Variants in ADRA1D observed in about 807,000 individuals in gnomAD.
The protein encoded by ADRA1D is alpha-1D adrenergic receptor.
ADRA1D carries 22 observed loss-of-function variants against 18.6 expected under a neutral mutation model. The ratio of observed to expected loss-of-function variants is 1.19; its 90% CI spans 0.85 to 1.69. The LOEUF (loss-of-function observed/expected upper bound fraction) is 1.69, where lower values mean the gene tolerates loss of function less well. ADRA1D is among the 40% of genes most tolerant of loss of function. The probability of loss-of-function intolerance (pLI) is 0.00; values close to 1 mark genes in which losing one functional copy is unlikely to be tolerated. For missense variants in ADRA1D, 840 were observed against 840.7 expected (o/e 1.00, Z 0.01); for synonymous variants, 376 against 388.2 (o/e 0.97, Z 0.37).
intron 1 of ADRA1D, among the ~76,000 whole-genome samples, chr20:4,244,680 C>T (rs528904860): frequency 1.4e-4 from 21 of 152,352 alleles, no homozygotes; most frequent in African/African-American, 5.1e-4. Context: ...GCCTGGGCCT[C>T]ATGCTGGGGG....
rs1340841827 is a variant in ADRA1D, at chr20:4,248,062, G to A, written c.896C>T (p.Ala299Val). Reference sequence around the variant, plus strand: ...GTGGATGCGCAGCACCACCTCGGAGGCCTTGCCTCGCTCGCGCTTGACGCC... The same window carrying A: ...GTGGATGCGCAGCACCACCTCGGAGACCTTGCCTCGCTCGCGCTTGACGCC... ...EAGVKRERGKASEVVLRIHCR... is the reference protein window; with the variant it reads ...EAGVKRERGKVSEVVLRIHCR... The change falls in exon 1 of 2, where the codon GCC becomes GTC. Residue 299 changes from alanine (A) to valine (V), a missense_variant. Coordinates refer to ENST00000379453, the MANE Select transcript of ADRA1D (RefSeq NM_000678.4). The A allele has an allele frequency of 1.9e-5, 29 of 1,550,414 alleles. No homozygotes were observed. Among genetic ancestry groups the A allele is most frequent in the Non-Finnish European group, 2.5e-5 (29 of 1,147,310 alleles).
chr20:4,223,864 T>C (rs1227302739), intron 1 of ADRA1D, among the ~76,000 whole-genome samples: 1 of 151,876 alleles, frequency 6.6e-6, no homozygotes, highest in Non-Finnish European at 1.5e-5. Flanking sequence ...TTATATGTAT[T>C]AAATGCATTT....
rs1283603435 is a variant in ADRA1D, at chr20:4,248,676, C to T, written c.282G>A (p.Ala94=). ...TAAVGGLVVS[A]QGVGVGVFLA... is the part of the protein sequence containing the mutation. ...GGAAGACGCCCACGCCCACGCCCTG[C>T]GCGCTCACCACCAGTCCCCCGACGG... Residue 94 remains alanine (A), a synonymous_variant, in exon 1 of 2, where the codon GCG becomes GCA. Coordinates refer to ENST00000379453, the MANE Select transcript of ADRA1D (RefSeq NM_000678.4). The T allele has an allele frequency of 6.3e-7, 1 of 1,596,448 alleles. No homozygotes were observed. Among genetic ancestry groups the T allele is most frequent in the Non-Finnish European group, 8.5e-7 (1 of 1,172,570 alleles).
At chr20:4,246,512 T>C (rs1600853321) in intron 1 of ADRA1D, among the ~76,000 whole-genome samples, 1 of 151,386 alleles carries the variant, frequency 6.6e-6, no homozygotes, top group South Asian at 2.1e-4. Flanking sequence ...CCAGAAAGGG[T>C]CAGAGGGGAG....
intron 1 of ADRA1D, among the ~76,000 whole-genome samples, chr20:4,232,502 A>T (rs1980994395): frequency 6.6e-6 from 1 of 152,306 alleles, no homozygotes; most frequent in South Asian, 2.1e-4. Context: ...CTCCACGTCC[A>T]TCCATCCAGA....
In ADRA1D at chr20:4,221,357, G is replaced by T. The variant is rs537596202; in HGVS notation, c.*166C>A. ...CCCCACTACTTTTCACCTTTCAAGG[G>T]CTCCAGCCTCAAGCTCTGCCCAGTT... is the stretch of plus-strand genomic sequence containing the variant. On this transcript the variant is annotated 3_prime_UTR_variant, in exon 2 of 2. Transcript: ENST00000379453. The T allele has an allele frequency of 6.9e-5, 51 of 734,934 alleles. No individual in the cohort carries two copies. Among genetic ancestry groups the T allele is most frequent in the Admixed American group, 4.3e-4 (13 of 29,896 alleles). 45.5% of individuals were successfully genotyped at this position (734,934 alleles called of 1,614,324 possible).
chr20:4,248,846 A>AG lies in ADRA1D; in HGVS notation c.111dup (p.Ser38LeufsTer77). On this transcript the variant is annotated frameshift_variant, in exon 1 of 2. Coordinates refer to ENST00000379453, the MANE Select transcript of ADRA1D (RefSeq NM_000678.4). LOFTEE classifies it high-confidence loss of function. The stretch of plus-strand genomic sequence containing the variant: ...ACGCCGCCCACCGCCGGGCCCTCCG[A>AG]GGGGGCCGCGCCGCCCGCGCTGCCC... 1 of 1,005,406 alleles carries AG rather than the reference A, an allele frequency of 9.9e-7. No individual in the cohort carries two copies. Among genetic ancestry groups the AG allele is most frequent in the Non-Finnish European group, 1.2e-6 (1 of 842,148 alleles). 62.3% of individuals were successfully genotyped at this position (1,005,406 alleles called of 1,614,324 possible). A position where few individuals can be genotyped will look rare whatever the true frequency, so the allele number is the denominator to read the frequency against.
intron 1 of ADRA1D, among the ~76,000 whole-genome samples, chr20:4,232,644 C>G (rs1980997325): frequency 6.6e-6 from 1 of 152,230 alleles, no homozygotes; most frequent in Admixed American, 6.5e-5. Context: ...TCACAAAGTC[C>G]CTTTCAGGCT....
chr20:4,248,502 G>C lies in ADRA1D; in HGVS notation c.456C>G (p.Phe152Leu). The C allele has an allele frequency of 6.2e-7, 1 of 1,613,774 alleles. No individual in the cohort carries two copies. Among genetic ancestry groups the C allele is most frequent in the Non-Finnish European group, 8.5e-7 (1 of 1,179,918 alleles). Residue 152 changes from phenylalanine to leucine, a missense_variant, in exon 1 of 2, where the codon TTC becomes TTG. Coordinates refer to ENST00000379453, the MANE Select transcript of ADRA1D (RefSeq NM_000678.4). ...DLLLSATVLP[F>L]SATMEVLGFW... Reference sequence around the variant, plus strand: ...AGCCCAGAACCTCCATGGTGGCCGAGAAGGGCAGTACGGTGGCGCTCAGCA... The same window carrying C: ...AGCCCAGAACCTCCATGGTGGCCGACAAGGGCAGTACGGTGGCGCTCAGCA...
chr20:4,225,977 C>T (rs1014864429), intron 1 of ADRA1D, among the ~76,000 whole-genome samples: 2 of 152,222 alleles, frequency 1.3e-5, no homozygotes, highest in Non-Finnish European at 2.9e-5. Flanking sequence ...AGAACAGCAT[C>T]GCTCAATGGC....
chr20:4,247,312 C>T (rs923660949), intron 1 of ADRA1D, among the ~76,000 whole-genome samples: 6 of 152,190 alleles, frequency 3.9e-5, no homozygotes, highest in African/African-American at 9.7e-5. Flanking sequence ...AATGAGAACT[C>T]GGGGCACTCA....
Position 4,221,704 on chromosome 20 carries a change from T to C in ADRA1D, c.1538A>G (p.Lys513Arg). 6.2e-7 allele frequency: 1 copy of C among 1,610,918 alleles called. No homozygotes were observed. Reference protein sequence around the residue: ...FRRPTTQLRAKVSSLSHKIRA... With the variant: ...FRRPTTQLRARVSSLSHKIRA... ...GATCTTGTGCGACAGGCTGGAGACT[T>C]TGGCGCGCAGCTGGGTCGTGGGTCT... Residue 513 changes from lysine to arginine, a missense_variant, in exon 2 of 2, where the codon AAA (lysine) becomes AGA (arginine). Lys to Arg is a conservative substitution (Grantham distance 26, BLOSUM62 2). Transcript: ENST00000379453.
At chr20:4,231,316 GCT>G (rs1980966342) in intron 1 of ADRA1D, among the ~76,000 whole-genome samples, 1 of 133,574 alleles carries the variant, frequency 7.5e-6, no homozygotes, top group Non-Finnish European at 1.7e-5. Context: ...ACAGGGTCTT[GCT>G]CTGTTTCCTA....
intron 1 of ADRA1D, among the ~76,000 whole-genome samples, chr20:4,241,152 A>G (rs1401559809): frequency 6.6e-6 from 1 of 152,216 alleles, no homozygotes; most frequent in Non-Finnish European, 1.5e-5. Flanking sequence ...CAGTCACAGA[A>G]GGAGAAATAC....
chr20:4,237,005 A>C (rs1269614245), intron 1 of ADRA1D, among the ~76,000 whole-genome samples: 1 of 152,150 alleles, frequency 6.6e-6, no homozygotes, highest in African/African-American at 2.4e-5. Context: ...TTGTTATAGC[A>C]GGAACAGGAA....
chr20:4,246,984 C>T (rs201402256), intron 1 of ADRA1D, among the ~76,000 whole-genome samples: 2 of 152,066 alleles, frequency 1.3e-5, no homozygotes, highest in South Asian at 4.1e-4. Flanking sequence ...ATGGGTGGAT[C>T]TGACCCCGGG....
Position 4,248,377 on chromosome 20 carries a change from C to G in ADRA1D, c.581G>C (p.Arg194Pro). 1 of 1,608,846 alleles carries G rather than the reference C, an allele frequency of 6.2e-7. No homozygotes were observed. ...ILSLCTISVD[R>P]YVGVRHSLKY... ...GAGTGAGTGGCGCACGCCCACGTACCGGTCCACGGAGATGGTGCAGAGGCT... is the reference window on the plus strand; with the variant it reads ...GAGTGAGTGGCGCACGCCCACGTACGGGTCCACGGAGATGGTGCAGAGGCT... Residue 194 changes from arginine to proline, a missense_variant, in exon 1 of 2, where the codon CGG becomes CCG. Coordinates refer to ENST00000379453, the MANE Select transcript of ADRA1D (RefSeq NM_000678.4).
At chr20:4,236,737 A>T (rs1182304152) in intron 1 of ADRA1D, among the ~76,000 whole-genome samples, 2 of 152,182 alleles carry the variant, frequency 1.3e-5, no homozygotes, top group Admixed American at 6.5e-5. Flanking sequence ...CTCAGACAGG[A>T]AGGAGGGAGG....
In ADRA1D at chr20:4,221,705, T is replaced by C. The variant is rs970849183; in HGVS notation, c.1537A>G (p.Lys513Glu). 15 of 1,610,644 alleles carry C rather than the reference T, an allele frequency of 9.3e-6. No individual in the cohort carries two copies. Among genetic ancestry groups the C allele is most frequent in the East Asian group, 2.2e-5 (1 of 44,858 alleles). ...ATCTTGTGCGACAGGCTGGAGACTTTGGCGCGCAGCTGGGTCGTGGGTCTC... is the reference window on the plus strand; with the variant it reads ...ATCTTGTGCGACAGGCTGGAGACTTCGGCGCGCAGCTGGGTCGTGGGTCTC... ...FRRPTTQLRA[K>E]VSSLSHKIRA... Residue 513 changes from lysine to glutamate, a missense_variant, in exon 2 of 2, where the codon AAA (lysine) becomes GAA (glutamate). Lys to Glu is a moderately conservative substitution (Grantham distance 56). Coordinates refer to ENST00000379453, the MANE Select transcript of ADRA1D (RefSeq NM_000678.4).
Sources: allele counts gnomAD v4.1 joint callset (sites outside exome capture counted in the v4.1 genomes callset), GRCh38; gene constraint gnomAD v4.1.1; transcripts MANE v1.5; gene names NCBI Gene and HGNC (gene_info 2026-07-23, HGNC 2026-07-21).